MAP3K15: variants seen among roughly 807,000 people sequenced by gnomAD.
MAP3K15 encodes the protein mitogen-activated protein kinase kinase kinase 15.
In MAP3K15, 124 loss-of-function variants were observed where a neutral mutation model predicts 99.5. That is an observed-to-expected ratio of 1.25 (90% confidence interval 1.08 to 1.45). The LOEUF (loss-of-function observed/expected upper bound fraction) is 1.45. Among genes scored for constraint, MAP3K15 ranks in the 40% most tolerant of loss-of-function variants. The pLI is 0.00. For missense variants in MAP3K15, 1,242 were observed against 1,079.7 expected, an observed-to-expected ratio of 1.15 and a Z score of -2.11; for synonymous variants, 494 against 439.6, an observed-to-expected ratio of 1.12 and a Z score of -1.55.
chrX:19,504,390 C>A, intron 1 of MAP3K15, among the ~76,000 whole-genome samples: 1 of 110,484 alleles, frequency 9.1e-6, no homozygotes, highest in South Asian at 3.9e-4. Flanking sequence ...TCGCACTGGC[C>A]AGTACTAGTC....
chrX:19,501,600 G>C (rs2064440762), intron 1 of MAP3K15, among the ~76,000 whole-genome samples: 1 of 112,189 alleles, frequency 8.9e-6, no homozygotes, highest in African/African-American at 3.2e-5. Flanking sequence ...CATAAGATCT[G>C]CTTTATCTCA....
At chrX:19,410,918 C>A (rs1210173303) in intron 11 of MAP3K15, among the ~76,000 whole-genome samples, 1 of 111,649 alleles carries the variant, frequency 9.0e-6, no homozygotes, top group Admixed American at 9.6e-5. Flanking sequence ...TGGTGGCTTA[C>A]ACCTGTAATC....
chrX:19,495,552 GT>G lies in MAP3K15; in HGVS notation c.362-6586del, dbSNP rs751724769. On this transcript the variant is annotated intron_variant, in intron 1 of 28. Transcript: ENST00000338883. ...AAGAATGACTGAAAGTAAATCTTTT[GT>G]TTTTTTTTCAACTATGTAAGTGTGA... Among the ~76,000 whole-genome samples, 9 of 108,048 alleles carry G rather than the reference GT, an allele frequency of 8.3e-5. No individual in the cohort carries two copies. The East Asian group carries it at 1.4e-3, about 17-fold the overall frequency. The allele number at this position is 108,048 out of a possible 115,157, so 93.8% of individuals were successfully genotyped here. A position where few individuals can be genotyped will look rare whatever the true frequency, so the allele number is the denominator to read the frequency against.
chrX:19,363,921 G>A (rs1194770536), intron 25 of MAP3K15, among the ~76,000 whole-genome samples: 2 of 110,888 alleles, frequency 1.8e-5, no homozygotes, highest in Non-Finnish European at 3.8e-5. Flanking sequence ...CCAAAGTGCT[G>A]GGATTACAGG....
At chrX:19,396,391 A>G (rs894380520) in intron 15 of MAP3K15, among the ~76,000 whole-genome samples, 1 of 112,271 alleles carries the variant, frequency 8.9e-6, no homozygotes, top group Non-Finnish European at 1.9e-5. Flanking sequence ...GAGATGGGAC[A>G]TGCCAGAAAT....
At chrX:19,473,106 G>A (rs556086331) in intron 3 of MAP3K15, among the ~76,000 whole-genome samples, 2 of 112,284 alleles carry the variant, frequency 1.8e-5, no homozygotes, top group African/African-American at 3.2e-5. Flanking sequence ...AGAAATGCAT[G>A]AACTCTGAAA....
At chrX:19,503,745 T>G (rs1388550846) in intron 1 of MAP3K15, among the ~76,000 whole-genome samples, 1 of 110,261 alleles carries the variant, frequency 9.1e-6, no homozygotes, top group Non-Finnish European at 1.9e-5. Context: ...TAAGAAGTCT[T>G]AAGGCATTTT....
At position 19,373,641 on chromosome X, in the gene MAP3K15, G is replaced by C. The variant is rs768045215; in HGVS notation, c.2828C>G (p.Thr943Ser). The C allele has an allele frequency of 8.3e-7, 1 of 1,200,669 alleles. No individual in the cohort carries two copies. The highest frequency in any genetic ancestry group is 1.7e-5 in the African/African-American group (1 of 57,756). Residue 943 changes from threonine (T) to serine (S), a missense_variant, in exon 21 of 29, where the codon ACC (threonine) becomes AGC (serine). By Grantham distance (58) the Thr-to-Ser change is moderately conservative. Transcript: ENST00000338883. ...GACAGAGCCGTGCTCGCTGCTGCTG[G>C]TGGCCATGGGCTCTCCCTGTGTGGG... ...ALPTQGEPMA[T>S]SSSEHGSVSP...
chrX:19,368,910 C>T (rs2063354725), intron 25 of MAP3K15, 144 bp downstream of exon 25: 2 of 510,670 alleles, frequency 3.9e-6, no homozygotes, highest in African/African-American at 2.5e-5. Flanking sequence ...AATATGCGCC[C>T]TTGCCTAGTT....
At chrX:19,411,389 T>A (rs1189483763) in intron 11 of MAP3K15, among the ~76,000 whole-genome samples, 2 of 111,724 alleles carry the variant, frequency 1.8e-5, no homozygotes, top group African/African-American at 6.5e-5. Context: ...ATGGGAGAAG[T>A]TTTAGTCATA....
At chrX:19,388,219 C>T (rs1025018177) in intron 18 of MAP3K15, among the ~76,000 whole-genome samples, 19 of 112,285 alleles carry the variant, frequency 1.7e-4, no homozygotes, top group African/African-American at 9.7e-5. Context: ...GTGGCACAAT[C>T]GGCTCATGCA....
intron 19 of MAP3K15, among the ~76,000 whole-genome samples, chrX:19,376,587 A>C (rs2063419727): frequency 9.0e-6 from 1 of 111,045 alleles, no homozygotes; most frequent in African/African-American, 3.3e-5. Context: ...CTGGGACCAC[A>C]GGTGTGCACC....
chrX:19,455,166 C>T (rs2064082920), intron 6 of MAP3K15, among the ~76,000 whole-genome samples: 1 of 110,474 alleles, frequency 9.1e-6, no homozygotes, highest in South Asian at 3.9e-4. Flanking sequence ...AACAGAGCCA[C>T]TGTCTAACAG....
chrX:19,368,945 C>T, intron 25 of MAP3K15, 109 bp downstream of exon 25: 1 of 869,979 alleles, frequency 1.1e-6, no homozygotes, highest in Admixed American at 4.7e-5. Flanking sequence ...CTGCTTTTTC[C>T]TAAGACCTGG....
rs1324761618 is a variant in MAP3K15 at position 19,416,120 on chromosome X, C to G, written c.1440-863G>C. Among the ~76,000 whole-genome samples, 3 of 111,519 alleles carry G rather than the reference C, an allele frequency of 2.7e-5. No homozygotes were observed. In the East Asian group the frequency reaches 8.4e-4, roughly 31 times the overall value. Reference sequence around the variant, plus strand: ...CCTAGGTGGGCAGATGACCTGAGGTCAGGAGTCCAAGACCAGCCTGGCCAA... The same window carrying G: ...CCTAGGTGGGCAGATGACCTGAGGTGAGGAGTCCAAGACCAGCCTGGCCAA... On this transcript the variant is annotated intron_variant, in intron 9 of 28. Coordinates refer to ENST00000338883, the MANE Select transcript of MAP3K15 (RefSeq NM_001001671.4).
rs1316690436 is a variant in MAP3K15 at position 19,374,605 on chromosome X, C to T, written c.2645G>A (p.Arg882Gln). ...EIPEALSAEA[R>Q]AFILSCFEPD... is the part of the protein sequence containing the mutation. ...CTCGAAACAGGATAAAATGAAGGCTCGGGCTTCAGCTGAAAGGGCTTCTGG... is the reference window on the plus strand; with the variant it reads ...CTCGAAACAGGATAAAATGAAGGCTTGGGCTTCAGCTGAAAGGGCTTCTGG... Residue 882 changes from arginine (R) to glutamine (Q), a missense_variant, in exon 20 of 29, where the codon CGA becomes CAA. By Grantham distance (43) the Arg-to-Gln change is conservative. Coordinates refer to ENST00000338883, the MANE Select transcript of MAP3K15 (RefSeq NM_001001671.4). The T allele has an allele frequency of 7.4e-6, 9 of 1,209,375 alleles. No homozygotes were observed. In the African/African-American group the frequency reaches 1.2e-4, roughly 16 times the overall value.
intron 1 of MAP3K15, among the ~76,000 whole-genome samples, chrX:19,513,847 A>C (rs2064537563): frequency 9.0e-6 from 1 of 110,718 alleles, no homozygotes; most frequent in African/African-American, 3.3e-5. Flanking sequence ...AAGGGAAAAA[A>C]CGTCAAGCAA....
At chrX:19,490,140 T>TATAC (rs2064357707) in intron 1 of MAP3K15, among the ~76,000 whole-genome samples, 1 of 92,469 alleles carries the variant, frequency 1.1e-5, no homozygotes, top group Non-Finnish European at 2.1e-5. Flanking sequence ...ATAGGCATTA[T>TATAC]ACACACACAC....
intron 2 of MAP3K15, among the ~76,000 whole-genome samples, chrX:19,487,132 G>T (rs757471176): frequency 3.5e-5 from 3 of 85,055 alleles, no homozygotes; most frequent in Admixed American, 1.4e-4. Flanking sequence ...CTGGGGGTGG[G>T]GGGGGGGAAG....
Sources: gnomAD v4.1 joint callset for allele counts (sites outside exome capture counted in the v4.1 genomes callset) on GRCh38, gnomAD v4.1.1 for gene constraint, MANE v1.5 for transcripts, NCBI Gene and HGNC (gene_info 2026-07-23, HGNC 2026-07-21) for gene names.